CCDC144A: variants seen among roughly 807,000 people sequenced by gnomAD.
CCDC144A encodes the protein coiled-coil domain-containing protein 144A.
A neutral mutation model predicts 143.8 loss-of-function variants in CCDC144A; 41 were observed. That is an observed-to-expected ratio of 0.29 (90% CI 0.22 to 0.37). CCDC144A has a LOEUF of 0.37. Among genes scored for constraint, CCDC144A ranks in the 10% least tolerant of loss-of-function variants. The pLI, the probability that CCDC144A is intolerant of heterozygous loss-of-function variation, is 1.00. For missense variants in CCDC144A, 637 were observed against 1,488.8 expected (o/e 0.43, Z 9.41); for synonymous variants, 242 against 517.9 (o/e 0.47, Z 7.23).
chr17:16,751,144 C>G (rs921343389), intron 12 of CCDC144A, among the ~76,000 whole-genome samples: 1 of 152,208 alleles, frequency 6.6e-6, no homozygotes, highest in African/African-American at 2.4e-5. Context: ...TATTCCTCCT[C>G]TGAAAATGCT....
chr17:16,757,913 A>G (rs1348722433), intron 12 of CCDC144A, among the ~76,000 whole-genome samples: 1 of 152,100 alleles, frequency 6.6e-6, no homozygotes, highest in East Asian at 1.9e-4. Flanking sequence ...TGGTTTTGAG[A>G]TGATCCTGGT....
chr17:16,703,918 A>G (rs1306844202), intron 2 of CCDC144A, among the ~76,000 whole-genome samples: 1 of 152,238 alleles, frequency 6.6e-6, no homozygotes, highest in Non-Finnish European at 1.5e-5. Context: ...CACCATGTCT[A>G]TGAAAAGCTC....
At chr17:16,768,731 C>T (rs1567612729) in intron 15 of CCDC144A, among the ~76,000 whole-genome samples, 1 of 152,118 alleles carries the variant, frequency 6.6e-6, no homozygotes, top group Admixed American at 6.5e-5. Flanking sequence ...TAAGTTATTG[C>T]TGAAGAGTGA....
the CCDC144A span, among the ~76,000 whole-genome samples, chr17:16,682,081 G>A: frequency 6.6e-6 from 1 of 152,020 alleles, no homozygotes; most frequent in African/African-American, 2.4e-5. Flanking sequence ...GACCGTGTGA[G>A]GGAAGTAGTG....
intron 6 of CCDC144A, among the ~76,000 whole-genome samples, chr17:16,718,009 T>C (rs1912872667): frequency 6.6e-6 from 1 of 152,164 alleles, no homozygotes; most frequent in Non-Finnish European, 1.5e-5. Context: ...ATAGATGAGG[T>C]TGAAAGAAGT....
intron 2 of CCDC144A, among the ~76,000 whole-genome samples, chr17:16,697,565 T>C (rs1392476297): frequency 2.0e-5 from 3 of 152,282 alleles, no homozygotes; most frequent in Admixed American, 1.3e-4. Flanking sequence ...TTGTGAGGTT[T>C]TCACCCATCC....
At chr17:16,720,482 G>C in intron 7 of CCDC144A, 35 bp from the exon 8 acceptor site, 1 of 1,598,924 alleles carries the variant, frequency 6.3e-7, no homozygotes, top group Non-Finnish European at 8.5e-7. Flanking sequence ...TAAATCTTTC[G>C]AGGACATTTT....
rs199798012 is a variant in CCDC144A at position 16,693,065 on chromosome 17, G to A, written c.415+16G>A. 2,391 of 1,562,002 alleles carry A rather than the reference G, an allele frequency of 1.5e-3. 17 individuals are homozygous for A. The highest frequency in any genetic ancestry group is 9.2e-3 in the Middle Eastern group (39 of 4,238). On this transcript the variant is annotated intron_variant, in intron 2 of 16. Transcript: ENST00000399273. The stretch of plus-strand genomic sequence containing the variant: ...AACAATCCAGGTAAGACTTCTGATA[G>A]TGAATTATTTTTGGTGGTCCTACCA...
At chr17:16,668,690 A>T in the CCDC144A span, among the ~76,000 whole-genome samples, 1 of 152,210 alleles carries the variant, frequency 6.6e-6, no homozygotes, top group Admixed American at 6.5e-5. Context: ...GTCATTATAT[A>T]GTATTTACAT....
At chr17:16,705,855 G>A (rs1305175737) in intron 3 of CCDC144A, 1 of 191,258 alleles carries the variant, frequency 5.2e-6, no homozygotes, top group African/African-American at 2.4e-5. Context: ...CGAGGTGGGT[G>A]GATCATGAGG....
At chr17:16,673,112 A>G in the CCDC144A span, among the ~76,000 whole-genome samples, 4 of 152,208 alleles carry the variant, frequency 2.6e-5, no homozygotes, top group Admixed American at 2.6e-4. Flanking sequence ...TGTACCAATC[A>G]TTTTGTGTTG....
chr17:16,776,634 T>C lies in CCDC144A; in HGVS notation c.*3001T>C, dbSNP rs1426894892. ...ATGGAGTTTTCTAGATATAGGATCA[T>C]ATCATCTGCAAACAAAGATAGTTTG... On this transcript the variant is annotated 3_prime_UTR_variant, in exon 17 of 17. Coordinates refer to ENST00000399273, the MANE Select transcript of CCDC144A (RefSeq NM_001382000.1). 1 of 152,144 alleles carries C rather than the reference T, an allele frequency of 6.6e-6. No individual in the cohort carries two copies. Among genetic ancestry groups the C allele is most frequent in the East Asian group, 1.9e-4 (1 of 5,162 alleles). The allele number at this position is 152,144 out of a possible 1,614,324, so 9.4% of individuals were successfully genotyped here.
intron 3 of CCDC144A, 154 bp from the exon 4 acceptor site, chr17:16,707,315 C>A: frequency 1.9e-6 from 1 of 523,546 alleles, no homozygotes. Flanking sequence ...AGAAGTATTT[C>A]TTAAAGAAGT....
At chr17:16,684,403 C>G in the CCDC144A span, among the ~76,000 whole-genome samples, 2 of 152,120 alleles carry the variant, frequency 1.3e-5, no homozygotes, top group Non-Finnish European at 2.9e-5. Context: ...CGCCTGTAGT[C>G]CCAGCACTTT....
intron 11 of CCDC144A, 36 bp downstream of exon 11, chr17:16,732,702 A>G: frequency 1.4e-6 from 2 of 1,479,188 alleles, no homozygotes; most frequent in Non-Finnish European, 1.8e-6. Context: ...ATATTTTTGT[A>G]TGTGAATATA....
In CCDC144A at chr17:16,715,895, GCTGT is replaced by G. The variant is rs560750349; in HGVS notation, c.1715+4083_1715+4086del. 1.5e-3 allele frequency among the ~76,000 whole-genome samples: 222 copies of G among 152,306 alleles called. 1 individual carries two copies. Among genetic ancestry groups the G allele is most frequent in the African/African-American group, 5.1e-3 (211 of 41,558 alleles). Reference sequence around the variant, plus strand: ...ATTGGAGCGAGTTTGTGTTTAATTGGCTGTCTTTCCAAAGCAAGTGGCGCACGTT... The same window carrying G: ...ATTGGAGCGAGTTTGTGTTTAATTGGCTTTCCAAAGCAAGTGGCGCACGTT... On this transcript the variant is annotated intron_variant, in intron 6 of 16. Transcript: ENST00000399273.
At chr17:16,740,904 TA>T (rs1414732239) in intron 12 of CCDC144A, among the ~76,000 whole-genome samples, 1 of 152,014 alleles carries the variant, frequency 6.6e-6, no homozygotes, top group Non-Finnish European at 1.5e-5. Context: ...CCTTATTTCA[TA>T]ACTCGGGGGA....
intron 12 of CCDC144A, among the ~76,000 whole-genome samples, chr17:16,744,211 T>C (rs1367600874): frequency 2.6e-5 from 4 of 152,204 alleles, no homozygotes; most frequent in African/African-American, 7.2e-5. Context: ...AACCAACTAA[T>C]GGGATTGCTG....
At chr17:16,681,403 A>T in the CCDC144A span, among the ~76,000 whole-genome samples, 180 of 152,208 alleles carry the variant, frequency 1.2e-3, 1 homozygote, top group African/African-American at 4.1e-3. Context: ...ACTATTAATA[A>T]TTGATTCTGT....
Sources: allele counts gnomAD v4.1 joint callset (sites outside exome capture counted in the v4.1 genomes callset), GRCh38; gene constraint gnomAD v4.1.1; transcripts MANE v1.5; gene names NCBI Gene and HGNC (gene_info 2026-07-23, HGNC 2026-07-21).